Variants in CEP170 observed in about 807,000 individuals in gnomAD.
CEP170 encodes centrosomal protein of 170 kDa.
In CEP170, 21 loss-of-function variants were observed where a neutral mutation model predicts 151.9. That is an observed-to-expected ratio of 0.14 (90% CI 0.10 to 0.20). CEP170 has a LOEUF of 0.20. CEP170 is among the 10% of genes least tolerant of loss of function. The pLI, the probability that CEP170 is intolerant of heterozygous loss-of-function variation, is 1.00. For synonymous variants in CEP170, 356 were observed against 648.8 expected, an observed-to-expected ratio of 0.55 and a Z score of 6.86; for missense variants, 964 against 1,892.9, an observed-to-expected ratio of 0.51 and a Z score of 9.11.
intron 19 of CEP170, among the ~76,000 whole-genome samples, chr1:243,127,456 A>G (rs2053834971): frequency 6.6e-6 from 1 of 152,176 alleles, no homozygotes; most frequent in South Asian, 2.1e-4. Flanking sequence ...AGGAAGTAAC[A>G]TAGATGTAAG....
chr1:243,236,672 T>G (rs916672467), intron 1 of CEP170, among the ~76,000 whole-genome samples: 2 of 152,168 alleles, frequency 1.3e-5, no homozygotes, highest in Admixed American at 1.3e-4. Flanking sequence ...AATAGTAAAC[T>G]ATCTCCAGGT....
intron 10 of CEP170, among the ~76,000 whole-genome samples, chr1:243,183,659 A>G (rs1402857346): frequency 6.6e-6 from 1 of 152,122 alleles, no homozygotes; most frequent in Non-Finnish European, 1.5e-5. Context: ...GTCACAAGAT[A>G]ATGTAGTGAG....
At chr1:243,163,608 A>G (rs1393874612) in intron 13 of CEP170, among the ~76,000 whole-genome samples, 1 of 152,252 alleles carries the variant, frequency 6.6e-6, no homozygotes, top group Non-Finnish European at 1.5e-5. Context: ...GATAATGCTC[A>G]TAACCAGTTA....
Position 243,186,071 on chromosome 1 carries a change from G to A in CEP170, c.1274C>T (p.Thr425Ile), listed in dbSNP as rs1170727969. The change falls in exon 10 of 20, where the codon ACT (threonine) becomes ATT (isoleucine). Residue 425 changes from threonine (T) to isoleucine (I), a missense_variant and splice_region_variant. Physicochemically the swap from Thr to Ile is moderately conservative, Grantham distance 89. Coordinates refer to ENST00000366542, the MANE Select transcript of CEP170 (RefSeq NM_014812.3). ...ATEKHQDQAV[T>I]SSAHHRGGHG... ...CCCCCCTCTGTGATGCGCAGAGCTA[G>A]TCTGTAAAGACAAAGAAACCACTTT... 1 of 1,613,686 alleles carries A rather than the reference G, an allele frequency of 6.2e-7. No homozygotes were observed.
At chr1:243,188,519 C>A (rs1442649035) in intron 8 of CEP170, among the ~76,000 whole-genome samples, 2 of 152,190 alleles carry the variant, frequency 1.3e-5, no homozygotes, top group Non-Finnish European at 2.9e-5. Context: ...AGGAAACAGT[C>A]CTCACCAAGT....
At position 243,156,359 on chromosome 1, in the gene CEP170, C is replaced by T. The variant is rs757390490; in HGVS notation, c.3773G>A (p.Arg1258His). ...AGTGGTTTTCAGGGCTGGAGAAGTA[C>T]GTAGACGGGTATGTTTAGGGGAATT... is the stretch of plus-strand genomic sequence containing the variant. ...NRNSPKHTRL[R>H]TSPALKTTRL... Residue 1258 changes from arginine (R) to histidine (H), a missense_variant, in exon 14 of 20, where the codon CGT (arginine) becomes CAT (histidine). Transcript: ENST00000366542. 1.5e-5 allele frequency: 24 copies of T among 1,579,334 alleles called. No homozygotes were observed. Among genetic ancestry groups the T allele is most frequent in the Non-Finnish European group, 2.1e-5 (24 of 1,162,714 alleles).
At chr1:243,229,150 G>C (rs146488032) in intron 1 of CEP170, among the ~76,000 whole-genome samples, 67 of 152,302 alleles carry the variant, frequency 4.4e-4, no homozygotes, top group African/African-American at 1.5e-3. Flanking sequence ...CCTGATTGGT[G>C]GTTTCTTCAG....
intron 14 of CEP170, among the ~76,000 whole-genome samples, chr1:243,154,696 T>A (rs1334439502): frequency 6.6e-6 from 1 of 152,206 alleles, no homozygotes; most frequent in Non-Finnish European, 1.5e-5. Flanking sequence ...AAAGTACACA[T>A]TGATAATAGT....
chr1:243,234,511 CAG>C (rs2064087270), intron 1 of CEP170, among the ~76,000 whole-genome samples: 1 of 152,154 alleles, frequency 6.6e-6, no homozygotes, highest in African/African-American at 2.4e-5. Flanking sequence ...TCTGAACCAG[CAG>C]TAAAGCTTAT....
intron 1 of CEP170, among the ~76,000 whole-genome samples, chr1:243,248,609 A>C (rs1268057429): frequency 6.6e-6 from 1 of 152,200 alleles, no homozygotes; most frequent in Non-Finnish European, 1.5e-5. Context: ...CTAAAGCCAG[A>C]AACTAGTAAC....
At chr1:243,244,810 C>CTA (rs1427353341) in intron 1 of CEP170, among the ~76,000 whole-genome samples, 7 of 151,604 alleles carry the variant, frequency 4.6e-5, no homozygotes, top group Non-Finnish European at 1.0e-4. Context: ...ACACAGCAGG[C>CTA]TATATATGAC....
intron 1 of CEP170, among the ~76,000 whole-genome samples, chr1:243,230,904 C>T (rs149608782): frequency 6.6e-4 from 101 of 152,098 alleles, no homozygotes; most frequent in African/African-American, 2.3e-3. Flanking sequence ...AAACTACCAG[C>T]AGATAAACTC....
chr1:243,240,998 C>T lies in CEP170; in HGVS notation c.-42+14042G>A, dbSNP rs2064781927. Among the ~76,000 whole-genome samples the T allele has an allele frequency of 2.0e-5, 3 of 152,072 alleles. No individual in the cohort carries two copies. The South Asian group carries it at 6.2e-4, about 32-fold the overall frequency. On this transcript the variant is annotated intron_variant, in intron 1 of 19. Coordinates refer to ENST00000366542, the MANE Select transcript of CEP170 (RefSeq NM_014812.3). ...GTAAGCCACCGTGCCCAGCCAGAAG[C>T]ACGAATTCAAACAACAAAGTGCTTA...
At chr1:243,228,762 T>G (rs144016281) in intron 1 of CEP170, among the ~76,000 whole-genome samples, 1 of 152,342 alleles carries the variant, frequency 6.6e-6, no homozygotes, top group East Asian at 1.9e-4. Flanking sequence ...TAATAAGCAT[T>G]ATTCATATGC....
Position 243,165,533 on chromosome 1 carries a change from T to C in CEP170, c.2427A>G (p.Arg809=). ...TTTTCAGAATTTCCTCAGCTTTTCT[T>C]CTCTTGCTCTCACTTTGTGCCACTC... is the stretch of plus-strand genomic sequence containing the variant. ...GDRVAQSESK[R]RKAEEILKSQ... is the part of the protein sequence containing the mutation. The change falls in exon 13 of 20, where the codon AGA becomes AGG. Residue 809 remains arginine, a synonymous_variant. Transcript: ENST00000366542. The C allele has an allele frequency of 1.2e-6, 2 of 1,612,850 alleles. No homozygotes were observed. Among genetic ancestry groups the C allele is most frequent in the Non-Finnish European group, 1.7e-6 (2 of 1,179,580 alleles).
intron 11 of CEP170, among the ~76,000 whole-genome samples, chr1:243,172,323 A>G (rs1244622356): frequency 6.6e-6 from 1 of 152,252 alleles, no homozygotes; most frequent in Non-Finnish European, 1.5e-5. Context: ...ATTGCTTAAA[A>G]TAATGTAATT....
At chr1:243,143,458 T>C (rs1409395442) in intron 14 of CEP170, among the ~76,000 whole-genome samples, 1 of 152,162 alleles carries the variant, frequency 6.6e-6, no homozygotes, top group East Asian at 1.9e-4. Flanking sequence ...TAAATAACTG[T>C]TACCTGTGAT....
intron 1 of CEP170, among the ~76,000 whole-genome samples, chr1:243,243,151 G>C (rs2065024600): frequency 6.6e-6 from 1 of 152,166 alleles, no homozygotes; most frequent in African/African-American, 2.4e-5. Flanking sequence ...TTGAGCCCAG[G>C]AGTTTGGGGC....
intron 14 of CEP170, among the ~76,000 whole-genome samples, chr1:243,154,787 T>C (rs2057405299): frequency 6.6e-6 from 1 of 152,184 alleles, no homozygotes; most frequent in Admixed American, 6.5e-5. Flanking sequence ...GTATTACAAC[T>C]GTTTTTTTAT....
Sources: allele counts gnomAD v4.1 joint callset (sites outside exome capture counted in the v4.1 genomes callset), GRCh38; gene constraint gnomAD v4.1.1; transcripts MANE v1.5; gene names NCBI Gene and HGNC (gene_info 2026-07-23, HGNC 2026-07-21).